SYNDIG1: variants seen among roughly 807,000 people sequenced by gnomAD.
SYNDIG1 encodes synapse differentiation inducing 1, also known as synapse differentiation-inducing gene protein 1.
SYNDIG1 carries 9 observed loss-of-function variants against 19.4 expected under a neutral mutation model. The observed-to-expected ratio is 0.46, with a 90% confidence interval of 0.28 to 0.81. The LOEUF is 0.81. SYNDIG1 is among the 30% of genes least tolerant of loss of function. The probability of loss-of-function intolerance (pLI) is 0.12; values close to 1 mark genes in which losing one functional copy is unlikely to be tolerated. For synonymous variants in SYNDIG1, 141 were observed against 145.9 expected (o/e 0.97, Z 0.24); for missense variants, 311 against 343.3 (o/e 0.91, Z 0.74).
chr20:24,598,801 A>G (rs1034145036), intron 3 of SYNDIG1, among the ~76,000 whole-genome samples: 5 of 152,224 alleles, frequency 3.3e-5, no homozygotes, highest in Admixed American at 1.3e-4. Context: ...AATTGACACT[A>G]TGTAGACCTT....
At chr20:24,575,101 A>G (rs1387171606) in intron 2 of SYNDIG1, among the ~76,000 whole-genome samples, 2 of 152,236 alleles carry the variant, frequency 1.3e-5, no homozygotes, top group Non-Finnish European at 2.9e-5. Context: ...AAGTGAATGC[A>G]GAATGCAGCC....
At chr20:24,624,255 C>CAAAA (rs201904792) in intron 3 of SYNDIG1, among the ~76,000 whole-genome samples, 4 of 94,692 alleles carry the variant, frequency 4.2e-5, no homozygotes, top group African/African-American at 1.3e-4. Flanking sequence ...GACTCCATCT[C>CAAAA]AAAAAAAAAA....
intron 1 of SYNDIG1, among the ~76,000 whole-genome samples, chr20:24,486,426 A>G (rs1031485369): frequency 6.6e-6 from 1 of 152,232 alleles, no homozygotes; most frequent in Non-Finnish European, 1.5e-5. Context: ...CAATTGGTTT[A>G]TACACAAATA....
intron 1 of SYNDIG1, among the ~76,000 whole-genome samples, chr20:24,489,260 G>A (rs1427332947): frequency 1.3e-5 from 2 of 151,308 alleles, no homozygotes; most frequent in East Asian, 1.9e-4. Flanking sequence ...AGACACACAT[G>A]CATGCACACA....
intron 2 of SYNDIG1, among the ~76,000 whole-genome samples, chr20:24,553,839 T>G (rs915938317): frequency 2.6e-5 from 4 of 152,244 alleles, no homozygotes; most frequent in African/African-American, 7.2e-5. Flanking sequence ...TTTCCAATTC[T>G]GTGAAGAAAG....
At chr20:24,662,264 G>T (rs1448627366) in intron 3 of SYNDIG1, among the ~76,000 whole-genome samples, 2 of 151,768 alleles carry the variant, frequency 1.3e-5, no homozygotes, top group Non-Finnish European at 2.9e-5. Flanking sequence ...CAGGAAGGGG[G>T]TGCTTCCATA....
At chr20:24,598,870 C>A (rs1456703449) in intron 3 of SYNDIG1, among the ~76,000 whole-genome samples, 1 of 151,944 alleles carries the variant, frequency 6.6e-6, no homozygotes, top group African/African-American at 2.4e-5. Flanking sequence ...AACATAAGAC[C>A]AAAAACTATA....
chr20:24,496,242 GA>G (rs1263624789), intron 1 of SYNDIG1, among the ~76,000 whole-genome samples: 2 of 152,190 alleles, frequency 1.3e-5, no homozygotes, highest in African/African-American at 4.8e-5. Context: ...TTAATTTGAC[GA>G]TACACTTGTC....
chr20:24,532,111 G>C (rs1008543508), intron 1 of SYNDIG1, among the ~76,000 whole-genome samples: 1 of 152,138 alleles, frequency 6.6e-6, no homozygotes, highest in Non-Finnish European at 1.5e-5. Flanking sequence ...TTGTTTTTAA[G>C]GTAGTTTTAT....
intron 2 of SYNDIG1, among the ~76,000 whole-genome samples, chr20:24,560,061 TC>T (rs2057908437): frequency 8.6e-6 from 1 of 116,188 alleles, no homozygotes; most frequent in Non-Finnish European, 1.7e-5. Flanking sequence ...TTCTCTCCTC[TC>T]CTTTTTTTTT....
intron 1 of SYNDIG1, among the ~76,000 whole-genome samples, chr20:24,533,815 G>A (rs2057308926): frequency 2.6e-5 from 4 of 152,184 alleles, no homozygotes; most frequent in Non-Finnish European, 4.4e-5. Flanking sequence ...TGGGATGATG[G>A]GAGCCAGGGC....
chr20:24,529,935 ATAATGAT>A (rs2146614484), intron 1 of SYNDIG1, among the ~76,000 whole-genome samples: 1 of 2,496 alleles, frequency 4.0e-4, no homozygotes, highest in African/African-American at 1.7e-3. Context: ...AATGGTGGGG[ATAATGAT>A]GGTGATGGTG....
intron 3 of SYNDIG1, among the ~76,000 whole-genome samples, chr20:24,633,715 C>T (rs1041646824): frequency 1.3e-5 from 2 of 152,114 alleles, no homozygotes; most frequent in Non-Finnish European, 2.9e-5. Flanking sequence ...GCTCTGGGGA[C>T]GGGGCTGGCA....
At chr20:24,489,592 G>T (rs1215403810) in intron 1 of SYNDIG1, among the ~76,000 whole-genome samples, 1 of 152,036 alleles carries the variant, frequency 6.6e-6, no homozygotes, top group Non-Finnish European at 1.5e-5. Flanking sequence ...ACAGTCACAT[G>T]ACCACACACA....
chr20:24,641,898 T>C (rs983781727), intron 3 of SYNDIG1, among the ~76,000 whole-genome samples: 1 of 152,250 alleles, frequency 6.6e-6, no homozygotes, highest in Admixed American at 6.5e-5. Context: ...TTCCCATGTA[T>C]CCCTTAACTG....
intron 2 of SYNDIG1, among the ~76,000 whole-genome samples, chr20:24,563,599 C>T (rs1288142073): frequency 6.6e-6 from 1 of 152,102 alleles, no homozygotes; most frequent in African/African-American, 2.4e-5. Context: ...ATATAAACTC[C>T]TAATTAAATT....
chr20:24,661,786 C>A (rs955984913), intron 3 of SYNDIG1, among the ~76,000 whole-genome samples: 1 of 152,054 alleles, frequency 6.6e-6, no homozygotes, highest in Admixed American at 6.5e-5. Context: ...CCACCAGGAG[C>A]GTCAGAAGGA....
In SYNDIG1 at chr20:24,622,638, G is replaced by A. The variant is rs369897623; in HGVS notation, c.618+37645G>A. ...ATCTAATGCCTGATGACCTGAGATG[G>A]AACAGTTTCATCCCGAAACCATCCC... is the stretch of plus-strand genomic sequence containing the variant. On this transcript the variant is annotated intron_variant, in intron 3 of 3. Coordinates refer to ENST00000376862, the MANE Select transcript of SYNDIG1 (RefSeq NM_024893.3). Among the ~76,000 whole-genome samples, 26 of 152,316 alleles carry A rather than the reference G, an allele frequency of 1.7e-4. 1 individual carries two copies. The highest frequency in any genetic ancestry group is 6.3e-4 in the African/African-American group (26 of 41,574).
chr20:24,497,788 A>C (rs1372381964), intron 1 of SYNDIG1, among the ~76,000 whole-genome samples: 1 of 152,240 alleles, frequency 6.6e-6, no homozygotes, highest in African/African-American at 2.4e-5. Flanking sequence ...GGGGCTGAAG[A>C]GCAGAGCTTA....
Sources: allele counts gnomAD v4.1 joint callset (sites outside exome capture counted in the v4.1 genomes callset), GRCh38; gene constraint gnomAD v4.1.1; transcripts MANE v1.5; gene names NCBI Gene and HGNC (gene_info 2026-07-23, HGNC 2026-07-21).